Variants in SHISA6 observed in about 807,000 individuals in gnomAD.
SHISA6 encodes the protein protein shisa-6.
A neutral mutation model predicts 47.9 loss-of-function variants in SHISA6; 22 were observed. The ratio of observed to expected loss-of-function variants is 0.46; its 90% confidence interval spans 0.33 to 0.66. The LOEUF (loss-of-function observed/expected upper bound fraction) is 0.66. Ranked by LOEUF, SHISA6 falls within the 30% of genes least tolerant of loss-of-function variation. The probability of loss-of-function intolerance (pLI) is 0.02; values close to 1 mark genes in which losing one functional copy is unlikely to be tolerated. For missense variants in SHISA6, 680 were observed against 764.6 expected, an observed-to-expected ratio of 0.89 and a Z score of 1.30; for synonymous variants, 388 against 337.8, an observed-to-expected ratio of 1.15 and a Z score of -1.63.
intron 3 of SHISA6, among the ~76,000 whole-genome samples, chr17:11,507,663 A>G (rs570342352): frequency 6.6e-6 from 1 of 152,316 alleles, no homozygotes; most frequent in Non-Finnish European, 1.5e-5. Flanking sequence ...ATTACTTGAG[A>G]AGAGCATTTG....
intron 3 of SHISA6, among the ~76,000 whole-genome samples, chr17:11,397,271 ACAAT>A (rs932623368): frequency 2.0e-5 from 3 of 152,084 alleles, no homozygotes; most frequent in Non-Finnish European, 4.4e-5. Flanking sequence ...TGCCTATACA[ACAAT>A]CAATGTGATT....
At chr17:11,495,185 T>G (rs2071398329) in intron 3 of SHISA6, among the ~76,000 whole-genome samples, 1 of 152,078 alleles carries the variant, frequency 6.6e-6, no homozygotes, top group Non-Finnish European at 1.5e-5. Context: ...AACTCTTTGG[T>G]GTCTATTCAT....
chr17:11,355,538 A>G (rs1005392375), intron 2 of SHISA6, among the ~76,000 whole-genome samples: 12 of 152,238 alleles, frequency 7.9e-5, no homozygotes, highest in African/African-American at 2.9e-4. Context: ...ATGGAAGGAC[A>G]AGGGGAGGTC....
In SHISA6 at chr17:11,241,725, C is replaced by T. The variant is rs1311267992; in HGVS notation, c.303C>T (p.Ser101=). 1.9e-6 allele frequency: 3 copies of T among 1,541,546 alleles called. No individual in the cohort carries two copies. Among genetic ancestry groups the T allele is most frequent in the East Asian group, 2.4e-5 (1 of 40,882 alleles). The change falls in exon 1 of 6, where the codon AGC becomes AGT. Residue 101 remains serine (S), a synonymous_variant. Coordinates refer to ENST00000441885, the MANE Select transcript of SHISA6 (RefSeq NM_207386.4). The surrounding 1 kb of genome is among the most constrained non-coding windows in gnomAD (Gnocchi z 5.5). ...YETCWGYYDV[S]GQYDKEFECN... ...CGTGCTGGGGCTACTACGACGTGAG[C>T]GGCCAGTACGACAAGGAGTTCGAGT... is the stretch of plus-strand genomic sequence containing the variant.
intron 3 of SHISA6, among the ~76,000 whole-genome samples, chr17:11,550,960 G>C (rs1041843105): frequency 1.3e-5 from 2 of 152,224 alleles, no homozygotes; most frequent in East Asian, 1.9e-4. Flanking sequence ...AGGAAAGAAG[G>C]CTTCAGTCAC....
At chr17:11,363,950 G>A (rs905079525) in intron 2 of SHISA6, among the ~76,000 whole-genome samples, 1 of 152,126 alleles carries the variant, frequency 6.6e-6, no homozygotes, top group African/African-American at 2.4e-5. Context: ...ACTGCTTAAG[G>A]AGTATCCCTG....
At chr17:11,484,544 G>A (rs966563536) in intron 3 of SHISA6, among the ~76,000 whole-genome samples, 2 of 152,076 alleles carry the variant, frequency 1.3e-5, no homozygotes, top group Non-Finnish European at 2.9e-5. Context: ...GGGATTACAG[G>A]CATGCACTAC....
intron 3 of SHISA6, among the ~76,000 whole-genome samples, chr17:11,450,136 C>T (rs28871878): frequency 1.3e-5 from 2 of 151,636 alleles, no homozygotes; most frequent in African/African-American, 4.8e-5. Flanking sequence ...CCACCCGCCT[C>T]GGCCTCCCGA....
At chr17:11,343,934 C>T (rs1158454515) in intron 2 of SHISA6, among the ~76,000 whole-genome samples, 2 of 152,182 alleles carry the variant, frequency 1.3e-5, no homozygotes, top group Non-Finnish European at 2.9e-5. Flanking sequence ...AGTGGTCCAC[C>T]CATCTTGGCC....
chr17:11,408,316 A>G (rs1320899859), intron 3 of SHISA6, among the ~76,000 whole-genome samples: 1 of 152,202 alleles, frequency 6.6e-6, no homozygotes, highest in Non-Finnish European at 1.5e-5. Flanking sequence ...AGCAGCATCA[A>G]CATTCCCTAG....
chr17:11,551,261 C>T (rs144923991), intron 3 of SHISA6, among the ~76,000 whole-genome samples: 282 of 152,306 alleles, frequency 1.9e-3, no homozygotes, highest in African/African-American at 5.4e-3. Context: ...AATTGTGTGG[C>T]TTATTCCATC....
chr17:11,275,585 A>C (rs1358006409), intron 2 of SHISA6, among the ~76,000 whole-genome samples: 1 of 152,214 alleles, frequency 6.6e-6, no homozygotes, highest in Non-Finnish European at 1.5e-5. Flanking sequence ...AAATCAGGCA[A>C]TAAGGCTTTG....
At chr17:11,315,369 T>C (rs1458926731) in intron 2 of SHISA6, among the ~76,000 whole-genome samples, 1 of 152,184 alleles carries the variant, frequency 6.6e-6, no homozygotes, top group Non-Finnish European at 1.5e-5. Flanking sequence ...TAAACTGTCG[T>C]ATCACCTGCA....
intron 2 of SHISA6, among the ~76,000 whole-genome samples, chr17:11,297,890 C>T (rs1027790021): frequency 3.9e-5 from 6 of 152,132 alleles, no homozygotes; most frequent in East Asian, 1.9e-4. Flanking sequence ...AAATGGATGG[C>T]GGAGCTGGAG....
intron 2 of SHISA6, among the ~76,000 whole-genome samples, chr17:11,264,384 A>AG (rs1165232208): frequency 1.3e-5 from 2 of 152,228 alleles, no homozygotes; most frequent in Non-Finnish European, 2.9e-5. Flanking sequence ...TTAGTAAGAG[A>AG]GAAAAACAAG....
intron 3 of SHISA6, among the ~76,000 whole-genome samples, chr17:11,383,526 G>A (rs769236954): frequency 6.6e-6 from 1 of 152,088 alleles, no homozygotes; most frequent in East Asian, 1.9e-4. Flanking sequence ...TCTCCCACCT[G>A]TTGGTAGAGC....
chr17:11,529,967 T>C (rs1187267712), intron 3 of SHISA6, among the ~76,000 whole-genome samples: 1 of 152,080 alleles, frequency 6.6e-6, no homozygotes, highest in Non-Finnish European at 1.5e-5. Flanking sequence ...AAACACAAAG[T>C]ATACTTGTGT....
At chr17:11,310,282 G>A (rs1429450990) in intron 2 of SHISA6, among the ~76,000 whole-genome samples, 1 of 152,200 alleles carries the variant, frequency 6.6e-6, no homozygotes, top group Non-Finnish European at 1.5e-5. Flanking sequence ...GTTTACATAT[G>A]TGTCATAATA....
At chr17:11,277,493 G>T (rs1908967032) in intron 2 of SHISA6, among the ~76,000 whole-genome samples, 1 of 152,120 alleles carries the variant, frequency 6.6e-6, no homozygotes, top group South Asian at 2.1e-4. Flanking sequence ...AGTGCATTTT[G>T]CACAGATCTT....
Sources: allele counts gnomAD v4.1 joint callset (sites outside exome capture counted in the v4.1 genomes callset), GRCh38; gene constraint gnomAD v4.1.1; non-coding constraint Gnocchi (gnomAD v3.1); transcripts MANE v1.5; gene names NCBI Gene and HGNC (gene_info 2026-07-23, HGNC 2026-07-21).